CYLD: variants seen among roughly 807,000 people sequenced by gnomAD.
CYLD encodes ubiquitin carboxyl-terminal hydrolase CYLD.
In CYLD, 26 loss-of-function variants were observed where a neutral mutation model predicts 104.5. The observed-to-expected ratio is 0.25, with a 90% CI of 0.18 to 0.35. CYLD has a LOEUF of 0.35. Among genes scored for constraint, CYLD ranks in the 10% least tolerant of loss-of-function variants. The pLI is 1.00. For missense variants in CYLD, 703 were observed against 1,136.1 expected (o/e 0.62, Z 5.48); for synonymous variants, 385 against 399.9 (o/e 0.96, Z 0.45).
chr16:50,781,528 T>A, intron 10 of CYLD, 117 bp downstream of exon 10: 1 of 1,289,614 alleles, frequency 7.8e-7, no homozygotes, highest in Non-Finnish European at 1.1e-6. Flanking sequence ...CAACGCTCAT[T>A]AAGCTTTAAA....
At chr16:50,751,981 CATATATATACACACAT>C (rs1248110795) in intron 4 of CYLD, 75 bp downstream of exon 4, 33 of 114,528 alleles carry the variant, frequency 2.9e-4, no homozygotes, top group Admixed American at 6.6e-4. Flanking sequence ...TATATATAAA[CATATATATACACACAT>C]ATATATACAC....
At chr16:50,793,147 C>CAT (rs1362383951) in intron 16 of CYLD, among the ~76,000 whole-genome samples, 2 of 149,440 alleles carry the variant, frequency 1.3e-5, no homozygotes, top group East Asian at 1.9e-4. Flanking sequence ...CACACACACA[C>CAT]ATGCATATAT....
rs114017262 is a variant in CYLD, at chr16:50,754,111, T to C, written c.808-208T>C. Among the ~76,000 whole-genome samples, 1,267 of 152,254 alleles carry C rather than the reference T, an allele frequency of 8.3e-3. 15 individuals are homozygous for C. The highest frequency in any genetic ancestry group is 0.026 in the African/African-American group (1,076 of 41,550). The stretch of plus-strand genomic sequence containing the variant: ...CACTTGGTTATTCTTGAATCTCATT[T>C]CCCTAAAGAAAAAAATGAACAAACC... On this transcript the variant is annotated intron_variant, in intron 4 of 18. Transcript: ENST00000427738.
intron 5 of CYLD, among the ~76,000 whole-genome samples, chr16:50,765,210 T>C (rs1318182397): frequency 6.6e-6 from 1 of 152,226 alleles, no homozygotes; most frequent in Non-Finnish European, 1.5e-5. Flanking sequence ...ATTTTTCCAA[T>C]AGCATGTGCA....
chr16:50,793,907 T>G (rs1030476854), intron 17 of CYLD, among the ~76,000 whole-genome samples: 38 of 150,462 alleles, frequency 2.5e-4, no homozygotes, highest in African/African-American at 9.4e-4. Flanking sequence ...ATTGAGTTTC[T>G]CTCATTAATG....
At chr16:50,745,033 G>A (rs776364821) in intron 2 of CYLD, among the ~76,000 whole-genome samples, 7 of 152,198 alleles carry the variant, frequency 4.6e-5, no homozygotes, top group Non-Finnish European at 8.8e-5. Flanking sequence ...GTTTCAACTC[G>A]TTGGTAATTT....
intron 4 of CYLD, 78 bp downstream of exon 4, chr16:50,751,984 ATATATACACAC>A: frequency 1.7e-5 from 2 of 115,308 alleles, no homozygotes; most frequent in Non-Finnish European, 2.5e-5. Context: ...ATATAAACAT[ATATATACACAC>A]ATATATATAC....
chr16:50,796,447 G>A lies in CYLD; in HGVS notation c.2810G>A (p.Arg937Lys). 6.2e-7 allele frequency: 1 copy of A among 1,614,046 alleles called. No homozygotes were observed. Among genetic ancestry groups the A allele is most frequent in the African/African-American group, 1.3e-5 (1 of 75,022 alleles). The part of the protein sequence containing the change: ...DSRRIQGCAR[R>K]LLCDAYMCMY... The stretch of plus-strand genomic sequence containing the variant: ...AGGAGAATCCAAGGCTGTGCACGAA[G>A]ACTGCTTTGTGATGCATATATGTGC... The change falls in exon 19 of 19, where the codon AGA becomes AAA. Residue 937 changes from arginine to lysine, a missense_variant. Arg to Lys is a conservative substitution (Grantham distance 26, BLOSUM62 2). Transcript: ENST00000427738.
rs1440826865 is a variant in CYLD at position 50,801,798 on chromosome 16, A to C, written c.*5290A>C. 1 of 233,434 alleles carries C rather than the reference A, an allele frequency of 4.3e-6. No individual in the cohort carries two copies. The highest frequency in any genetic ancestry group is 8.5e-6 in the Non-Finnish European group (1 of 117,808). The allele number at this position is 233,434 out of a possible 1,614,324, so 14.5% of individuals were successfully genotyped here. ...GAACATTCTTTAAGAAGACCACCAC[A>C]TAGAATACCCCTTCCTATCAGCTCG... On this transcript the variant is annotated 3_prime_UTR_variant, in exon 19 of 19. Transcript: ENST00000427738.
chr16:50,776,426 A>G (rs534170574), intron 7 of CYLD, 149 bp downstream of exon 7: 209 of 690,044 alleles, frequency 3.0e-4, no homozygotes, highest in Non-Finnish European at 4.4e-4. Context: ...AAGTTTGTAT[A>G]TAAATACTGT....
chr16:50,794,619 G>GTT lies in CYLD; in HGVS notation c.2686+201_2686+202dup, dbSNP rs397717971. 33,362 of 514,542 alleles carry GTT rather than the reference G, an allele frequency of 0.065. 428 individuals carry two copies. Among genetic ancestry groups the GTT allele is most frequent in the African/African-American group, 0.14 (7,200 of 50,160 alleles). 31.9% of individuals were successfully genotyped at this position (514,542 alleles called of 1,614,324 possible). ...GCTGAACTAAGGAATAATATGCTGT[G>GTT]TTTTTTTTTTTCCTTTTTTGAGATG... is the stretch of plus-strand genomic sequence containing the variant. On this transcript the variant is annotated intron_variant, in intron 18 of 18. Coordinates refer to ENST00000427738, the MANE Select transcript of CYLD (RefSeq NM_001378743.1). The surrounding 1 kb of genome is among the most constrained non-coding windows in gnomAD (Gnocchi z 4.1).
In CYLD at chr16:50,794,192, C is replaced by A; in HGVS notation, c.2470-20C>A. ...CCACCAGCCTCGGCCTAATGACATT[C>A]TTTTCATGGTCCATTTTAGGTCCAC... On this transcript the variant is annotated intron_variant, in intron 17 of 18. Coordinates refer to ENST00000427738, the MANE Select transcript of CYLD (RefSeq NM_001378743.1). This position sits in a 1 kb window ranked among gnomAD's most constrained non-coding sequence, Gnocchi z 4.1. The A allele has an allele frequency of 6.2e-7, 1 of 1,608,202 alleles. No individual in the cohort carries two copies. Among genetic ancestry groups the A allele is most frequent in the South Asian group, 1.1e-5 (1 of 90,918 alleles).
Position 50,751,760 on chromosome 16 carries a change from G to C in CYLD, c.661G>C (p.Asp221His). 6.2e-7 allele frequency: 1 copy of C among 1,613,750 alleles called. No homozygotes were observed. The highest frequency in any genetic ancestry group is 2.2e-5 in the East Asian group (1 of 44,868). The change falls in exon 4 of 19, where the codon GAC becomes CAC. Residue 221 changes from aspartate (D) to histidine (H), a missense_variant. Physicochemically the swap from Asp to His is moderately conservative, Grantham distance 81. Coordinates refer to ENST00000427738, the MANE Select transcript of CYLD (RefSeq NM_001378743.1). ...GGAAAGTGATTACGCAGGTCCTGGG[G>C]ACACAATGCAGGTCGAACTTCCTCC... The part of the protein sequence containing the change: ...ALESDYAGPG[D>H]TMQVELPPLE...
Position 50,797,962 on chromosome 16 carries a change from A to G in CYLD, c.*1454A>G. On this transcript the variant is annotated 3_prime_UTR_variant, in exon 19 of 19. Transcript: ENST00000427738. The stretch of plus-strand genomic sequence containing the variant: ...TGAAAAAGTACATATATTTTGCACA[A>G]GGTTTTATACTGCTAAGTGCTTGGT... 4.3e-6 allele frequency: 1 copy of G among 232,226 alleles called. No homozygotes were observed. Among genetic ancestry groups the G allele is most frequent in the Non-Finnish European group, 8.5e-6 (1 of 117,360 alleles). 14.4% of individuals were successfully genotyped at this position (232,226 alleles called of 1,614,324 possible).
intron 3 of CYLD, 34 bp downstream of exon 3, chr16:50,750,236 G>A: frequency 6.2e-7 from 1 of 1,611,448 alleles, no homozygotes; most frequent in Non-Finnish European, 8.5e-7. Flanking sequence ...TAGTGTGTTT[G>A]TTTGTGTTCA....
At position 50,779,891 on chromosome 16, in the gene CYLD, A is replaced by G. The variant is rs371867434; in HGVS notation, c.1365A>G (p.Gln455=). The change falls in exon 9 of 19, where the codon CAA becomes CAG. Residue 455 remains glutamine, a synonymous_variant. Transcript: ENST00000427738. ...AAGAGCTAAACACTGCACCCGTCCAAGAGAGTCCACCCTTGGCCATGCCTC... is the reference window on the plus strand; with the variant it reads ...AAGAGCTAAACACTGCACCCGTCCAGGAGAGTCCACCCTTGGCCATGCCTC... ...VMEELNTAPV[Q]ESPPLAMPPG... The G allele has an allele frequency of 9.5e-5, 153 of 1,614,122 alleles. 1 individual carries two copies. In the African/African-American group the frequency reaches 9.9e-4, roughly 10 times the overall value.
intron 14 of CYLD, among the ~76,000 whole-genome samples, 197 bp downstream of exon 14, chr16:50,788,049 A>C (rs1340092657): frequency 6.6e-6 from 1 of 152,220 alleles, no homozygotes; most frequent in African/African-American, 2.4e-5. Flanking sequence ...CTTGAAGATC[A>C]AATCCAATGT....
At chr16:50,758,827 T>C (rs1322749561) in intron 5 of CYLD, among the ~76,000 whole-genome samples, 1 of 152,136 alleles carries the variant, frequency 6.6e-6, no homozygotes. Flanking sequence ...GATCTTGGTT[T>C]TGATCATGTT....
intron 11 of CYLD, 48 bp downstream of exon 11, chr16:50,782,514 G>A (rs1256044928): frequency 4.4e-6 from 7 of 1,593,748 alleles, no homozygotes; most frequent in East Asian, 2.2e-5. Context: ...CATGAGGCAG[G>A]GACACATACC....
Sources: allele counts gnomAD v4.1 joint callset (sites outside exome capture counted in the v4.1 genomes callset), GRCh38; gene constraint gnomAD v4.1.1; non-coding constraint Gnocchi (gnomAD v3.1); transcripts MANE v1.5; gene names NCBI Gene and HGNC (gene_info 2026-07-23, HGNC 2026-07-21).